Variants in CMSS1 observed in about 807,000 individuals in gnomAD.
The protein encoded by CMSS1 is protein CMSS1.
A neutral mutation model predicts 43.5 loss-of-function variants in CMSS1; 33 were observed. The observed-to-expected ratio is 0.76, with a 90% CI of 0.57 to 1.01. CMSS1 has a LOEUF of 1.01. Ranked by LOEUF, CMSS1 falls within the 50% of genes least tolerant of loss-of-function variation. The pLI, the probability that CMSS1 is intolerant of heterozygous loss-of-function variation, is 0.00. For synonymous variants in CMSS1, 115 were observed against 117.2 expected (o/e 0.98, Z 0.12); for missense variants, 313 against 326.4 (o/e 0.96, Z 0.32).
chr3:100,004,098 C>G (rs1197218659), intron 1 of CMSS1, among the ~76,000 whole-genome samples: 4 of 152,184 alleles, frequency 2.6e-5, no homozygotes, highest in Admixed American at 6.5e-5. Flanking sequence ...ATTCGGCCTA[C>G]TGAGAGACAG....
chr3:99,987,347 G>T (rs1360938826), intron 1 of CMSS1, among the ~76,000 whole-genome samples: 1 of 151,796 alleles, frequency 6.6e-6, no homozygotes, highest in African/African-American at 2.4e-5. Context: ...TGGGCAAGAT[G>T]GTGAAACCTT....
chr3:100,124,170 T>C (rs2066644049), intron 1 of CMSS1, among the ~76,000 whole-genome samples: 3 of 152,348 alleles, frequency 2.0e-5, no homozygotes, highest in Admixed American at 6.5e-5. Context: ...TAGAGTTTAA[T>C]GTGGCTGAAA....
chr3:100,122,634 C>G lies in CMSS1; in HGVS notation c.65-24339C>G, dbSNP rs576091066. ...CCACATACATAATAGGAACTCTGCTCTCAACCGCAAATAGCTTTAAATTAG... is the reference window on the plus strand; with the variant it reads ...CCACATACATAATAGGAACTCTGCTGTCAACCGCAAATAGCTTTAAATTAG... On this transcript the variant is annotated intron_variant, in intron 1 of 9. Transcript: ENST00000421999. Among the ~76,000 whole-genome samples, 3 of 152,360 alleles carry G rather than the reference C, an allele frequency of 2.0e-5. No individual in the cohort carries two copies. In the East Asian group the frequency reaches 5.8e-4, roughly 29 times the overall value.
At chr3:100,053,485 C>T (rs574129282) in intron 1 of CMSS1, among the ~76,000 whole-genome samples, 1 of 152,360 alleles carries the variant, frequency 6.6e-6, no homozygotes, top group Non-Finnish European at 1.5e-5. Flanking sequence ...ATCCAAATTT[C>T]TGTCTTCTCA....
chr3:100,176,219 G>A (rs2067147040), intron 8 of CMSS1, 108 bp from the exon 9 acceptor site: 3 of 689,458 alleles, frequency 4.4e-6, no homozygotes, highest in Non-Finnish European at 5.0e-6. Flanking sequence ...GTTACTGGGG[G>A]AGAGGACAAC....
rs150974543 is a variant in CMSS1, at chr3:99,911,169, A to G, written c.64+93126A>G. On this transcript the variant is annotated intron_variant, in intron 1 of 9. Transcript: ENST00000421999. Reference sequence around the variant, plus strand: ...TGAGATTTATTTTTCCATTTGCTTCAGCCAAATGGAAATGTATTTCTTCAA... The same window carrying G: ...TGAGATTTATTTTTCCATTTGCTTCGGCCAAATGGAAATGTATTTCTTCAA... 7.3e-3 allele frequency among the ~76,000 whole-genome samples: 1,104 copies of G among 152,216 alleles called. 19 individuals are homozygous for G. The highest frequency in any genetic ancestry group is 0.024 in the African/African-American group (1,015 of 41,522).
chr3:100,135,269 A>T (rs2066741278), intron 1 of CMSS1, among the ~76,000 whole-genome samples: 1 of 152,228 alleles, frequency 6.6e-6, no homozygotes, highest in African/African-American at 2.4e-5. Flanking sequence ...TTGAATTGAA[A>T]TTGCTCATAG....
chr3:100,158,189 G>A (rs2107524566), intron 2 of CMSS1, among the ~76,000 whole-genome samples: 1 of 152,260 alleles, frequency 6.6e-6, no homozygotes, highest in South Asian at 2.1e-4. Flanking sequence ...TTTGCCATGT[G>A]TAACCAGGAG....
chr3:100,002,937 G>C (rs1300651352), intron 1 of CMSS1, among the ~76,000 whole-genome samples: 1 of 152,194 alleles, frequency 6.6e-6, no homozygotes, highest in Non-Finnish European at 1.5e-5. Context: ...CTGCAAATCA[G>C]ACATTCTTGC....
At chr3:99,949,131 A>G (rs962998799) in intron 1 of CMSS1, among the ~76,000 whole-genome samples, 1 of 152,218 alleles carries the variant, frequency 6.6e-6, no homozygotes, top group Non-Finnish European at 1.5e-5. Flanking sequence ...AAAGCAGGAT[A>G]AAGTTCCCAA....
At chr3:100,017,756 C>A (rs1710386666) in intron 1 of CMSS1, among the ~76,000 whole-genome samples, 1 of 151,858 alleles carries the variant, frequency 6.6e-6, no homozygotes. Flanking sequence ...GAGACACTGT[C>A]TCTAAAAATA....
chr3:99,892,467 G>A (rs1706113548), intron 1 of CMSS1, among the ~76,000 whole-genome samples: 1 of 152,190 alleles, frequency 6.6e-6, no homozygotes, highest in African/African-American at 2.4e-5. Flanking sequence ...AGTGAAATAT[G>A]TCACCACACA....
chr3:99,993,622 A>G (rs905489148), intron 1 of CMSS1, among the ~76,000 whole-genome samples: 7 of 152,036 alleles, frequency 4.6e-5, no homozygotes, highest in Non-Finnish European at 8.8e-5. Flanking sequence ...TTTGTCATAT[A>G]TGGTCTTTAT....
chr3:99,880,461 G>A (rs887683385), intron 1 of CMSS1, among the ~76,000 whole-genome samples: 1 of 151,956 alleles, frequency 6.6e-6, no homozygotes, highest in African/African-American at 2.4e-5. Context: ...CTGGTCCCAG[G>A]CCTATATATG....
rs1470527367 is a variant in CMSS1 at position 100,067,572 on chromosome 3, T to C, written c.65-79401T>C. Among the ~76,000 whole-genome samples, 4 of 152,324 alleles carry C rather than the reference T, an allele frequency of 2.6e-5. No homozygotes were observed. In the East Asian group the frequency reaches 7.7e-4, roughly 29 times the overall value. The stretch of plus-strand genomic sequence containing the variant: ...CTGAATTTTGCAGATTTGATTCAGA[T>C]ACAGGTTTATTTAATGTAAATATAA... On this transcript the variant is annotated intron_variant, in intron 1 of 9. Transcript: ENST00000421999.
chr3:100,125,754 A>G (rs1159182699), intron 1 of CMSS1, among the ~76,000 whole-genome samples: 3 of 152,210 alleles, frequency 2.0e-5, no homozygotes, highest in Non-Finnish European at 4.4e-5. Context: ...TATTTTCTAC[A>G]TATGTAAATT....
At chr3:100,068,927 T>G (rs1452863083) in intron 1 of CMSS1, among the ~76,000 whole-genome samples, 3 of 152,222 alleles carry the variant, frequency 2.0e-5, no homozygotes, top group Non-Finnish European at 2.9e-5. Flanking sequence ...TTCAGCTTGC[T>G]CTCACCCTCG....
intron 1 of CMSS1, among the ~76,000 whole-genome samples, chr3:100,065,864 T>C (rs908438658): frequency 2.6e-5 from 4 of 152,242 alleles, no homozygotes; most frequent in East Asian, 3.8e-4. Context: ...CTGTGTTCTA[T>C]GCTGTAAGGT....
intron 2 of CMSS1, among the ~76,000 whole-genome samples, chr3:100,155,857 A>C (rs2066967623): frequency 6.6e-6 from 1 of 152,180 alleles, no homozygotes; most frequent in Admixed American, 6.5e-5. Context: ...GCTTTTTAGA[A>C]ATCTTGGCAC....
Sources: gnomAD v4.1 joint callset for allele counts (sites outside exome capture counted in the v4.1 genomes callset) on GRCh38, gnomAD v4.1.1 for gene constraint, MANE v1.5 for transcripts, NCBI Gene and HGNC (gene_info 2026-07-23, HGNC 2026-07-21) for gene names.